Variants in SAMSN1 observed in about 807,000 individuals in gnomAD.
SAMSN1 encodes SAM domain, SH3 domain and nuclear localization signals 1.
Under a neutral mutation model 42.0 loss-of-function variants are expected in SAMSN1, and 31 were observed. The ratio of observed to expected loss-of-function variants is 0.74; its 90% CI spans 0.55 to 1.00. SAMSN1 has a LOEUF of 1.00. Ranked by LOEUF, SAMSN1 falls within the 50% of genes least tolerant of loss-of-function variation. The pLI is 0.00. For missense variants in SAMSN1, 464 were observed against 439.4 expected (o/e 1.06, Z -0.50); for synonymous variants, 178 against 151.9 (o/e 1.17, Z -1.26).
In SAMSN1 at chr21:14,639,875, TTAAACA is replaced by T. The variant is rs147708161; in HGVS notation, c.156+3121_156+3126del. 7.7e-3 allele frequency among the ~76,000 whole-genome samples: 1,176 copies of T among 152,304 alleles called. 18 individuals are homozygous for T. Among genetic ancestry groups the T allele is most frequent in the African/African-American group, 0.027 (1,127 of 41,562 alleles). ...AAGTGGATCACCTATTATTTCTCTT[TTAAACA>T]TTTAATAATGTCCTATATCTTAAAT... On this transcript the variant is annotated intron_variant, in intron 2 of 15. Coordinates refer to the SAMSN1 transcript ENST00000647101.
At chr21:14,616,097 A>G (rs941078033) in intron 2 of SAMSN1, 89 of 430,942 alleles carry the variant, frequency 2.1e-4, no homozygotes, top group African/African-American at 1.7e-3. Context: ...CTGAAAGAGA[A>G]TTCATTCATT....
chr21:14,592,324 A>T (rs79547488), intron 7 of SAMSN1: 4,533 of 152,658 alleles, frequency 0.03, 232 homozygotes, highest in African/African-American at 0.1. Flanking sequence ...TCTTAGCAAG[A>T]AGAGGAGCTA....
At chr21:14,645,875 G>A (rs1052971253) in intron 1 of SAMSN1, among the ~76,000 whole-genome samples, 4 of 152,144 alleles carry the variant, frequency 2.6e-5, no homozygotes, top group African/African-American at 4.8e-5. Flanking sequence ...GCACACTGAA[G>A]AATGCATCAG....
chr21:14,498,352 T>C, intron 7 of SAMSN1, 90 bp downstream of exon 7: 1 of 1,117,776 alleles, frequency 8.9e-7, no homozygotes, highest in South Asian at 1.6e-5. Flanking sequence ...ATGATCTCAG[T>C]AAATAAAACT....
At chr21:14,492,715 T>G (rs760878807) in intron 7 of SAMSN1, among the ~76,000 whole-genome samples, 3 of 152,200 alleles carry the variant, frequency 2.0e-5, no homozygotes, top group Non-Finnish European at 4.4e-5. Context: ...TATTTTATAG[T>G]TTTTTGTATG....
chr21:14,539,491 C>A (rs1422283742), intron 1 of SAMSN1, among the ~76,000 whole-genome samples: 1 of 152,104 alleles, frequency 6.6e-6, no homozygotes, highest in Non-Finnish European at 1.5e-5. Context: ...CATTCTTACA[C>A]ACCAATAACA....
At chr21:14,599,609 A>G (rs561287448) in intron 6 of SAMSN1, among the ~76,000 whole-genome samples, 6 of 152,262 alleles carry the variant, frequency 3.9e-5, no homozygotes, top group Admixed American at 1.3e-4. Context: ...GTTCTCCCTC[A>G]GTGGTGAGTT....
At chr21:14,648,384 A>G (rs1423917943) in intron 1 of SAMSN1, among the ~76,000 whole-genome samples, 1 of 152,194 alleles carries the variant, frequency 6.6e-6, no homozygotes, top group Non-Finnish European at 1.5e-5. Flanking sequence ...CTAAAACACC[A>G]AAAGCAATGG....
intron 2 of SAMSN1, among the ~76,000 whole-genome samples, chr21:14,623,071 GA>G (rs1704269595): frequency 6.6e-6 from 1 of 152,182 alleles, no homozygotes; most frequent in African/African-American, 2.4e-5. Flanking sequence ...AGCAAATGCT[GA>G]GAGAATTTGT....
intron 1 of SAMSN1, among the ~76,000 whole-genome samples, chr21:14,522,056 T>C (rs531198131): frequency 1.3e-5 from 2 of 152,304 alleles, no homozygotes; most frequent in East Asian, 1.9e-4. Context: ...GGGAGTAAAA[T>C]GGAATTTTTC....
chr21:14,643,093 T>C (rs2123382180), exon 2 of SAMSN1: 1 of 717,356 alleles, frequency 1.4e-6, no homozygotes. Context: ...GTTAGCTTGT[T>C]GCTCTGGGAT....
At chr21:14,525,378 G>A (rs1355050586) in intron 1 of SAMSN1, among the ~76,000 whole-genome samples, 1 of 152,014 alleles carries the variant, frequency 6.6e-6, no homozygotes, top group Non-Finnish European at 1.5e-5. Context: ...ACAGTCAGTC[G>A]GAAAAAATAC....
intron 1 of SAMSN1, among the ~76,000 whole-genome samples, chr21:14,651,276 C>T (rs541646183): frequency 5.3e-5 from 8 of 151,222 alleles, no homozygotes; most frequent in Non-Finnish European, 1.2e-4. Context: ...TAATGCAAAA[C>T]TCCTCAACAA....
intron 1 of SAMSN1, among the ~76,000 whole-genome samples, chr21:14,653,688 G>A (rs1164068340): frequency 4.6e-5 from 7 of 151,880 alleles, no homozygotes; most frequent in African/African-American, 1.7e-4. Flanking sequence ...AAATGCTTGC[G>A]GGAATGGATA....
intron 2 of SAMSN1, among the ~76,000 whole-genome samples, chr21:14,557,017 A>G (rs141995006): frequency 1.8e-3 from 279 of 152,304 alleles, no homozygotes; most frequent in African/African-American, 6.4e-3. Context: ...GAAAGAAATC[A>G]GATTTCTTGT....
rs141630560 is a variant in SAMSN1 at position 14,485,738 on chromosome 21, G to A, written c.*174C>T. 5.7e-6 allele frequency: 3 copies of A among 526,542 alleles called. No homozygotes were observed. The highest frequency in any genetic ancestry group is 1.0e-5 in the Non-Finnish European group (3 of 298,440). 32.6% of individuals were successfully genotyped at this position (526,542 alleles called of 1,614,324 possible). A position where few individuals can be genotyped will look rare whatever the true frequency, so the allele number is the denominator to read the frequency against. On this transcript the variant is annotated 3_prime_UTR_variant, in exon 8 of 8. Coordinates refer to ENST00000400566, the MANE Select transcript of SAMSN1 (RefSeq NM_022136.5). Reference sequence around the variant, plus strand: ...ATAATAAATATATATTTTATTGACAGTAATTTGGAATGTTAGAGATACAAA... The same window carrying A: ...ATAATAAATATATATTTTATTGACAATAATTTGGAATGTTAGAGATACAAA...
At chr21:14,648,128 A>G (rs1229474012) in intron 1 of SAMSN1, among the ~76,000 whole-genome samples, 2 of 151,782 alleles carry the variant, frequency 1.3e-5, no homozygotes, top group African/African-American at 4.8e-5. Context: ...TGGGTTTGTC[A>G]TAGATAGCTC....
chr21:14,586,953 T>G (rs1033603073), upstream of SAMSN1, among the ~76,000 whole-genome samples: 1 of 152,106 alleles, frequency 6.6e-6, no homozygotes, highest in African/African-American at 2.4e-5. Flanking sequence ...TATGTGCCCA[T>G]GAAGGGAAAG....
intron 2 of SAMSN1, among the ~76,000 whole-genome samples, chr21:14,616,513 G>C (rs1982841610): frequency 6.6e-6 from 1 of 152,054 alleles, no homozygotes; most frequent in South Asian, 2.1e-4. Context: ...ATACATCTGT[G>C]ATTCATCTGA....
Sources: allele counts gnomAD v4.1 joint callset (sites outside exome capture counted in the v4.1 genomes callset), GRCh38; gene constraint gnomAD v4.1.1; transcripts MANE v1.5; gene names NCBI Gene and HGNC (gene_info 2026-07-23, HGNC 2026-07-21).